The following EYS variants were observed in gnomAD, a reference collection of about 807,000 sequenced individuals.
The protein encoded by EYS is EGF-like photoreceptor maintenance factor.
EYS carries 250 observed loss-of-function variants against 282.1 expected under a neutral mutation model. That is an observed-to-expected ratio of 0.89 (90% CI 0.80 to 0.98). The LOEUF (loss-of-function observed/expected upper bound fraction) is 0.98. Among genes scored for constraint, EYS ranks in the 50% least tolerant of loss-of-function variants. The pLI is 0.00. For missense variants in EYS, 4,016 were observed against 3,709.0 expected, an observed-to-expected ratio of 1.08 and a Z score of -2.15; for synonymous variants, 1,355 against 1,282.9, an observed-to-expected ratio of 1.06 and a Z score of -1.20.
At chr6:64,752,670 A>C (rs1202874032) in intron 22 of EYS, among the ~76,000 whole-genome samples, 26 of 152,164 alleles carry the variant, frequency 1.7e-4, no homozygotes, top group Admixed American at 1.6e-3. Context: ...AGGAAGATAC[A>C]TTGCAAGATG....
intron 12 of EYS, among the ~76,000 whole-genome samples, chr6:65,196,995 T>A (rs547804437): frequency 6.6e-6 from 1 of 152,026 alleles, no homozygotes; most frequent in Non-Finnish European, 1.5e-5. Flanking sequence ...TGTAGAACAC[T>A]TTTTGGAAGG....
chr6:64,658,889 T>C (rs981350000), intron 22 of EYS, among the ~76,000 whole-genome samples: 2 of 152,220 alleles, frequency 1.3e-5, no homozygotes, highest in African/African-American at 2.4e-5. Context: ...CAAGTGGACC[T>C]AATAGACATC....
chr6:63,803,493 TCCA>T (rs997311615), intron 37 of EYS, among the ~76,000 whole-genome samples: 2 of 152,118 alleles, frequency 1.3e-5, no homozygotes, highest in Non-Finnish European at 2.9e-5. Context: ...TAACAAAGGC[TCCA>T]CATCCTAATG....
At chr6:64,470,058 G>A (rs1370182565) in intron 26 of EYS, among the ~76,000 whole-genome samples, 1 of 152,116 alleles carries the variant, frequency 6.6e-6, no homozygotes, top group African/African-American at 2.4e-5. Flanking sequence ...TATCACTGGA[G>A]ATGGCTCACA....
intron 24 of EYS, among the ~76,000 whole-genome samples, chr6:64,602,015 G>T (rs1766776584): frequency 6.6e-6 from 1 of 151,842 alleles, no homozygotes; most frequent in African/African-American, 2.4e-5. Flanking sequence ...TAACTTAAAG[G>T]TCCCTTCCTT....
chr6:65,034,228 C>A (rs1344526577), intron 13 of EYS, among the ~76,000 whole-genome samples: 1 of 152,146 alleles, frequency 6.6e-6, no homozygotes, highest in East Asian at 1.9e-4. Context: ...TTTACAGGAT[C>A]ACATGTAGAA....
chr6:65,288,121 T>A (rs1383708171), intron 12 of EYS, among the ~76,000 whole-genome samples: 3 of 151,222 alleles, frequency 2.0e-5, no homozygotes, highest in Non-Finnish European at 4.5e-5. Flanking sequence ...TTGGACTTTT[T>A]AAATTCGTTA....
chr6:64,813,530 T>C lies in EYS; in HGVS notation c.3291A>G (p.Ser1097=), dbSNP rs1338938677. 1 of 1,550,288 alleles carries C rather than the reference T, an allele frequency of 6.5e-7. No homozygotes were observed. The highest frequency in any genetic ancestry group is 8.7e-7 in the Non-Finnish European group (1 of 1,146,098). The change falls in exon 22 of 43, where the codon TCA becomes TCG. Residue 1097 remains serine (S), a synonymous_variant. Transcript: ENST00000503581. ...GGCAAATGCAAGTAAATCCATGTGC[T>C]GACTTCTGACAGAAGCCTTCATTCA... ...PCMNEGFCQK[S]AHGFTCICPR... is the part of the protein sequence containing the mutation.
At chr6:64,625,272 T>C (rs1767568896) in intron 23 of EYS, among the ~76,000 whole-genome samples, 1 of 152,168 alleles carries the variant, frequency 6.6e-6, no homozygotes, top group African/African-American at 2.4e-5. Flanking sequence ...CTAAAAGGAA[T>C]ATGATCAAAG....
chr6:65,497,696 A>G (rs1029781156), intron 2 of EYS, among the ~76,000 whole-genome samples: 1 of 152,060 alleles, frequency 6.6e-6, no homozygotes, highest in African/African-American at 2.4e-5. Context: ...ATCCTCACTT[A>G]ACTTTGTCCA....
At chr6:65,577,357 A>G (rs2127357519) in intron 2 of EYS, among the ~76,000 whole-genome samples, 1 of 151,954 alleles carries the variant, frequency 6.6e-6, no homozygotes, top group Admixed American at 6.6e-5. Context: ...AAAAAATGGC[A>G]CTGAGAAAAC....
intron 22 of EYS, among the ~76,000 whole-genome samples, chr6:64,718,988 C>T (rs1239801263): frequency 3.9e-5 from 6 of 152,088 alleles, no homozygotes; most frequent in Admixed American, 6.5e-5. Context: ...AGTCTAAATA[C>T]GTGAACCCTT....
intron 22 of EYS, among the ~76,000 whole-genome samples, chr6:64,715,471 A>G (rs1583072690): frequency 6.6e-6 from 1 of 152,326 alleles, no homozygotes; most frequent in East Asian, 1.9e-4. Context: ...TGTCTCAAAC[A>G]TACTTTTAAG....
intron 41 of EYS, among the ~76,000 whole-genome samples, chr6:63,727,504 G>A (rs1768656172): frequency 6.7e-6 from 1 of 150,364 alleles, no homozygotes; most frequent in South Asian, 2.1e-4. Context: ...AAGGGTAGAG[G>A]TTAGAATCAC....
At chr6:64,747,300 T>A (rs532709209) in intron 22 of EYS, among the ~76,000 whole-genome samples, 1 of 152,314 alleles carries the variant, frequency 6.6e-6, no homozygotes, top group Non-Finnish European at 1.5e-5. Flanking sequence ...TTTTCTCTTC[T>A]CTGCATTTTT....
intron 22 of EYS, among the ~76,000 whole-genome samples, chr6:64,802,606 A>C (rs1764279579): frequency 6.6e-6 from 1 of 152,210 alleles, no homozygotes; most frequent in Admixed American, 6.5e-5. Flanking sequence ...TCATATTTTC[A>C]CACTACTAAT....
chr6:64,198,018 A>G (rs1321624115), intron 31 of EYS, among the ~76,000 whole-genome samples: 1 of 151,464 alleles, frequency 6.6e-6, no homozygotes, highest in African/African-American at 2.4e-5. Flanking sequence ...TTTGAGACGG[A>G]GTCTCGCTCT....
chr6:64,159,265 A>G (rs528710542), intron 31 of EYS, among the ~76,000 whole-genome samples: 32 of 152,236 alleles, frequency 2.1e-4, no homozygotes, highest in Non-Finnish European at 4.4e-4. Flanking sequence ...AATGACAAGA[A>G]CAAAGTCTAT....
rs1279380392 is a variant in EYS at position 63,837,127 on chromosome 6, CA to C, written c.7228+27058del. 1.3e-4 allele frequency among the ~76,000 whole-genome samples: 19 copies of C among 151,752 alleles called. No individual in the cohort carries two copies. The East Asian group carries it at 2.1e-3, about 17-fold the overall frequency. On this transcript the variant is annotated intron_variant, in intron 36 of 42. Coordinates refer to ENST00000503581, the MANE Select transcript of EYS (RefSeq NM_001142800.2). ...TCTCATATTGACACTGATTTGAATTCAAAAAAATATAGAAACATTTTATGAA... is the reference window on the plus strand; with the variant it reads ...TCTCATATTGACACTGATTTGAATTCAAAAAATATAGAAACATTTTATGAA...
Sources: allele counts gnomAD v4.1 joint callset (sites outside exome capture counted in the v4.1 genomes callset), GRCh38; gene constraint gnomAD v4.1.1; transcripts MANE v1.5; gene names NCBI Gene and HGNC (gene_info 2026-07-23, HGNC 2026-07-21).